Variants in RNF111 observed in about 807,000 individuals in gnomAD.
RNF111 encodes the protein ring finger protein 111.
RNF111 carries 17 observed loss-of-function variants against 95.1 expected under a neutral mutation model. That is an observed-to-expected ratio of 0.18 (90% CI 0.12 to 0.27). RNF111 has a LOEUF of 0.27. Ranked by LOEUF, RNF111 falls within the 10% of genes least tolerant of loss-of-function variation. The pLI, the probability that RNF111 is intolerant of heterozygous loss-of-function variation, is 1.00. For missense variants in RNF111, 1,189 were observed against 1,210.4 expected (o/e 0.98, Z 0.26); for synonymous variants, 440 against 414.8 (o/e 1.06, Z -0.74).
chr15:59,060,435 C>G (rs1163824656), intron 5 of RNF111, among the ~76,000 whole-genome samples: 1 of 152,062 alleles, frequency 6.6e-6, no homozygotes, highest in Non-Finnish European at 1.5e-5. Flanking sequence ...GAAACCTTGT[C>G]TCTTTTGAAG....
At chr15:59,007,229 G>C (rs1332034887) in intron 1 of RNF111, among the ~76,000 whole-genome samples, 1 of 151,484 alleles carries the variant, frequency 6.6e-6, no homozygotes, top group Non-Finnish European at 1.5e-5. Context: ...TTCCTTGTCA[G>C]TCCTTTCCCC....
In RNF111 at chr15:59,057,321, C is replaced by T. The variant is rs11630536; in HGVS notation, c.1172-1035C>T. On this transcript the variant is annotated intron_variant, in intron 4 of 13. Coordinates refer to ENST00000348370, the MANE Select transcript of RNF111 (RefSeq NM_017610.8). The stretch of plus-strand genomic sequence containing the variant: ...CAAATAAACAGAAGTTCTTTTCCCC[C>T]TTTTTTATGTACAAGCAATTTGCAT... Among the ~76,000 whole-genome samples the T allele has an allele frequency of 3.6e-3, 548 of 152,252 alleles. 4 individuals are homozygous for T. Among genetic ancestry groups the T allele is most frequent in the African/African-American group, 0.013 (527 of 41,554 alleles).
At chr15:59,031,747 C>G (rs1596142135) in intron 2 of RNF111, 45 bp downstream of exon 2, 10 of 1,523,040 alleles carry the variant, frequency 6.6e-6, no homozygotes, top group Middle Eastern at 1.7e-4. Context: ...TATTGCATTG[C>G]ATTTGTGCTT....
chr15:59,013,515 A>G (rs2039925747), intron 1 of RNF111, among the ~76,000 whole-genome samples: 1 of 152,222 alleles, frequency 6.6e-6, no homozygotes, highest in African/African-American at 2.4e-5. Flanking sequence ...AGAATACCAC[A>G]GAAGTAAAGT....
chr15:58,995,028 G>A (rs1283029484), intron 1 of RNF111, among the ~76,000 whole-genome samples: 1 of 152,128 alleles, frequency 6.6e-6, no homozygotes, highest in Non-Finnish European at 1.5e-5. Flanking sequence ...ATCACAAAAT[G>A]CATTTAGTTG....
chr15:59,092,617 T>C lies in RNF111; in HGVS notation c.2820T>C (p.Ile940=). 1 of 1,611,694 alleles carries C rather than the reference T, an allele frequency of 6.2e-7. No individual in the cohort carries two copies. The highest frequency in any genetic ancestry group is 8.5e-7 in the Non-Finnish European group (1 of 1,178,468). ...AAAAATGTACTATCTGTTTGTCTAT[T>C]TTAGAGGAAGGTGAAGATGTGAGGT... ...TEEKCTICLS[I]LEEGEDVRRL... The change falls in exon 13 of 14, where the codon ATT becomes ATC. Residue 940 remains isoleucine, a synonymous_variant. Coordinates refer to ENST00000348370, the MANE Select transcript of RNF111 (RefSeq NM_017610.8).
At chr15:59,019,656 T>C (rs1453349495) in intron 1 of RNF111, among the ~76,000 whole-genome samples, 3 of 152,188 alleles carry the variant, frequency 2.0e-5, no homozygotes, top group South Asian at 2.1e-4. Flanking sequence ...CATGTTATTA[T>C]TGGATATTTA....
At chr15:59,025,902 G>C (rs559715359) in intron 1 of RNF111, among the ~76,000 whole-genome samples, 3 of 152,008 alleles carry the variant, frequency 2.0e-5, no homozygotes, top group Admixed American at 6.5e-5. Flanking sequence ...GGCTAACTTT[G>C]CATTTTTGGT....
chr15:59,065,006 A>G (rs1468560895), intron 5 of RNF111, among the ~76,000 whole-genome samples: 1 of 151,888 alleles, frequency 6.6e-6, no homozygotes, highest in Non-Finnish European at 1.5e-5. Flanking sequence ...TTATTTGTAA[A>G]CAAGCAGAAG....
intron 5 of RNF111, among the ~76,000 whole-genome samples, chr15:59,065,411 G>A (rs913594623): frequency 1.3e-5 from 2 of 152,126 alleles, no homozygotes; most frequent in Non-Finnish European, 2.9e-5. Flanking sequence ...GGCATGTGGC[G>A]GAGAGCATAA....
At chr15:59,089,166 G>C (rs994761209) in intron 10 of RNF111, among the ~76,000 whole-genome samples, 2 of 151,914 alleles carry the variant, frequency 1.3e-5, no homozygotes, top group African/African-American at 4.8e-5. Flanking sequence ...TTAGCCTGTG[G>C]GTCAGTTCAC....
rs994685275 is a variant in RNF111, at chr15:58,998,139, G to A, written c.-20+10071G>A. 2.6e-4 allele frequency among the ~76,000 whole-genome samples: 40 copies of A among 151,762 alleles called. 1 individual carries two copies. The highest frequency in any genetic ancestry group is 6.6e-5 in the Admixed American group (1 of 15,252). ...AGGCTGGTCTCGATCTCCTGACCTC[G>A]TGATCCGCCAGCCTCGGCCTCCCAA... On this transcript the variant is annotated intron_variant, in intron 1 of 13. Coordinates refer to ENST00000348370, the MANE Select transcript of RNF111 (RefSeq NM_017610.8).
intron 2 of RNF111, among the ~76,000 whole-genome samples, chr15:59,038,952 T>G (rs1393373216): frequency 1.3e-5 from 2 of 152,116 alleles, no homozygotes; most frequent in African/African-American, 4.8e-5. Context: ...ATTCATTATA[T>G]TAGGGGTGCA....
chr15:59,082,687 C>A (rs1320752320), intron 8 of RNF111, among the ~76,000 whole-genome samples: 1 of 152,120 alleles, frequency 6.6e-6, no homozygotes, highest in Non-Finnish European at 1.5e-5. Flanking sequence ...GTAGTTACAA[C>A]AGAGAACATA....
intron 3 of RNF111, among the ~76,000 whole-genome samples, chr15:59,053,306 A>G (rs1270352112): frequency 3.3e-5 from 5 of 152,160 alleles, no homozygotes; most frequent in African/African-American, 1.2e-4. Context: ...TTCATCTTAT[A>G]CTTTAGATGA....
In RNF111 at chr15:59,091,167, T is replaced by A. The variant is rs770994336; in HGVS notation, c.2739+13T>A. ...TAAATACAAAAAGGTAAGAATTTAT[T>A]CTATGAAACTTCTGGAGTGTTACTG... On this transcript the variant is annotated intron_variant, in intron 12 of 13. Coordinates refer to ENST00000348370, the MANE Select transcript of RNF111 (RefSeq NM_017610.8). 1.4e-6 allele frequency: 2 copies of A among 1,461,990 alleles called. No individual in the cohort carries two copies. The highest frequency in any genetic ancestry group is 9.6e-7 in the Non-Finnish European group (1 of 1,046,734). The allele number at this position is 1,461,990 out of a possible 1,614,324, so 90.6% of individuals were successfully genotyped here. A position where few individuals can be genotyped will look rare whatever the true frequency, so the allele number is the denominator to read the frequency against.
At chr15:59,034,160 T>A (rs183287415) in intron 2 of RNF111, among the ~76,000 whole-genome samples, 1 of 152,228 alleles carries the variant, frequency 6.6e-6, no homozygotes, top group Non-Finnish European at 1.5e-5. Flanking sequence ...TGTATAGTTA[T>A]CTCATTCTTC....
chr15:59,041,484 C>T (rs1235720858), intron 2 of RNF111, among the ~76,000 whole-genome samples: 1 of 151,914 alleles, frequency 6.6e-6, no homozygotes, highest in Non-Finnish European at 1.5e-5. Context: ...ACCCAGGAGG[C>T]GGAGGTTGCA....
At chr15:59,052,223 C>A in intron 2 of RNF111, 82 bp from the exon 3 acceptor site, 1 of 1,257,618 alleles carries the variant, frequency 8.0e-7, no homozygotes, top group Non-Finnish European at 1.1e-6. Context: ...ATTTCATGGT[C>A]TTCAAAGTCA....
Sources: allele counts gnomAD v4.1 joint callset (sites outside exome capture counted in the v4.1 genomes callset), GRCh38; gene constraint gnomAD v4.1.1; transcripts MANE v1.5; gene names NCBI Gene and HGNC (gene_info 2026-07-23, HGNC 2026-07-21).